The following MSRB3 variants were observed in gnomAD, a reference collection of about 807,000 sequenced individuals.
MSRB3 encodes the protein methionine sulfoxide reductase B3, also known as methionine-R-sulfoxide reductase B3.
MSRB3 carries 13 observed loss-of-function variants against 21.0 expected under a neutral mutation model. That is an observed-to-expected ratio of 0.62 (90% CI 0.40 to 0.98). MSRB3 has a LOEUF of 0.98. Among genes scored for constraint, MSRB3 ranks in the 50% least tolerant of loss-of-function variants. The pLI, the probability that MSRB3 is intolerant of heterozygous loss-of-function variation, is 0.00. For synonymous variants in MSRB3, 87 were observed against 88.6 expected, an observed-to-expected ratio of 0.98 and a Z score of 0.10; for missense variants, 199 against 230.3, an observed-to-expected ratio of 0.86 and a Z score of 0.88.
intron 4 of MSRB3, among the ~76,000 whole-genome samples, chr12:65,329,741 A>G (rs966028715): frequency 2.6e-5 from 4 of 152,210 alleles, no homozygotes; most frequent in African/African-American, 9.6e-5. Flanking sequence ...ACTTGTAGCT[A>G]AAACACACTT....
At chr12:65,409,600 C>T (rs1055815254) in intron 5 of MSRB3, among the ~76,000 whole-genome samples, 1 of 152,100 alleles carries the variant, frequency 6.6e-6, no homozygotes, top group Non-Finnish European at 1.5e-5. Context: ...ACCTTTTCCT[C>T]TCTTTTGCCT....
chr12:65,438,681 A>G (rs1882233039), intron 5 of MSRB3, among the ~76,000 whole-genome samples: 1 of 151,850 alleles, frequency 6.6e-6, no homozygotes, highest in South Asian at 2.1e-4. Flanking sequence ...AGAGTTTTCC[A>G]AAGGCTTTAT....
intron 5 of MSRB3, among the ~76,000 whole-genome samples, chr12:65,435,086 C>G (rs572869513): frequency 4.0e-5 from 6 of 151,802 alleles, no homozygotes; most frequent in African/African-American, 1.4e-4. Context: ...ATAGGAGTAC[C>G]ACATATGTGC....
chr12:65,331,935 A>G (rs1234168816), intron 4 of MSRB3, among the ~76,000 whole-genome samples: 3 of 152,246 alleles, frequency 2.0e-5, no homozygotes, highest in Non-Finnish European at 4.4e-5. Context: ...TGCTGCAAGC[A>G]CTAGAGGAGC....
intron 5 of MSRB3, among the ~76,000 whole-genome samples, chr12:65,448,725 A>C (rs1205584861): frequency 1.3e-5 from 2 of 152,224 alleles, no homozygotes; most frequent in Non-Finnish European, 2.9e-5. Context: ...CAATAACATG[A>C]CTGATAACTA....
chr12:65,335,396 G>A (rs1299529001), intron 4 of MSRB3, among the ~76,000 whole-genome samples: 1 of 152,146 alleles, frequency 6.6e-6, no homozygotes, highest in Non-Finnish European at 1.5e-5. Context: ...GTTCACACAT[G>A]CTACATTTCA....
intron 5 of MSRB3, among the ~76,000 whole-genome samples, chr12:65,423,380 A>T (rs1395535631): frequency 6.6e-6 from 1 of 152,200 alleles, no homozygotes; most frequent in Non-Finnish European, 1.5e-5. Context: ...TGGGACTTTT[A>T]GTACAATATT....
chr12:65,387,954 A>G (rs959406603), intron 5 of MSRB3, among the ~76,000 whole-genome samples: 2 of 152,194 alleles, frequency 1.3e-5, no homozygotes, highest in Non-Finnish European at 2.9e-5. Flanking sequence ...TTCACAACAA[A>G]GAGTATAAAA....
intron 4 of MSRB3, among the ~76,000 whole-genome samples, chr12:65,340,056 C>T (rs112241441): frequency 0.019 from 2,855 of 152,278 alleles, 37 homozygotes; most frequent in Middle Eastern, 0.058. Flanking sequence ...CAGGTTTATA[C>T]ACAGCCCAGA....
chr12:65,463,168 T>C lies in MSRB3; in HGVS notation c.404T>C (p.Leu135Pro). The change falls in exon 7 of 7, where the codon CTT (leucine) becomes CCT (proline). Residue 135 changes from leucine to proline, a missense_variant. Transcript: ENST00000308259. Reference protein sequence around the residue: ...ETSCSQCGAHLGHIFDDGPRP... With the variant: ...ETSCSQCGAHPGHIFDDGPRP... ...CTTCTCTTTCAGTGTGGTGCTCACC[T>C]TGGGCACATTTTTGATGATGGGCCT... 6.2e-7 allele frequency: 1 copy of C among 1,614,176 alleles called. No homozygotes were observed. The highest frequency in any genetic ancestry group is 8.5e-7 in the Non-Finnish European group (1 of 1,180,028).
intron 2 of MSRB3, among the ~76,000 whole-genome samples, chr12:65,317,856 T>C (rs1874400397): frequency 1.3e-5 from 2 of 152,200 alleles, no homozygotes; most frequent in African/African-American, 4.8e-5. Context: ...AGAAAACATC[T>C]TTTAGAAAGA....
At chr12:65,301,696 T>C (rs995518282) in intron 1 of MSRB3, among the ~76,000 whole-genome samples, 5 of 152,224 alleles carry the variant, frequency 3.3e-5, no homozygotes, top group Admixed American at 3.3e-4. Flanking sequence ...TTCGTTGATA[T>C]GGTTTCAGAC....
rs981764887 is a variant in MSRB3, at chr12:65,353,716, C to T, written c.264-15282C>T. Among the ~76,000 whole-genome samples the T allele has an allele frequency of 6.6e-5, 10 of 152,140 alleles. No homozygotes were observed. The South Asian group carries it at 8.3e-4, about 13-fold the overall frequency. ...TGTGTCTTTTCATTGGAGCATTTAG[C>T]CCATTTACATTTAAAGTTAATGTTA... On this transcript the variant is annotated intron_variant, in intron 4 of 6. Coordinates refer to ENST00000308259, the MANE Select transcript of MSRB3 (RefSeq NM_001031679.3).
intron 4 of MSRB3, among the ~76,000 whole-genome samples, chr12:65,355,259 G>C (rs1490262076): frequency 6.6e-6 from 1 of 151,778 alleles, no homozygotes; most frequent in Non-Finnish European, 1.5e-5. Context: ...TTGTGTATTA[G>C]TGTCAAGTAT....
chr12:65,278,933 G>A lies in MSRB3; in HGVS notation c.-52+68G>A. The A allele has an allele frequency of 2.6e-6, 4 of 1,538,506 alleles. No homozygotes were observed. The South Asian group carries it at 4.8e-5, about 19-fold the overall frequency. On this transcript the variant is annotated intron_variant, in intron 1 of 6. Coordinates refer to ENST00000308259, the MANE Select transcript of MSRB3 (RefSeq NM_001031679.3). ...TCCCACCCCGACCCTGCCACGTTAG[G>A]GTGTGACCCCGAGCCGGGATTCCAT...
At chr12:65,429,404 T>C (rs951418237) in intron 5 of MSRB3, among the ~76,000 whole-genome samples, 1 of 152,144 alleles carries the variant, frequency 6.6e-6, no homozygotes, top group African/African-American at 2.4e-5. Context: ...GTATTTGATA[T>C]GTTACGGCAA....
intron 6 of MSRB3, among the ~76,000 whole-genome samples, chr12:65,456,406 C>T (rs1404887085): frequency 6.6e-6 from 1 of 152,138 alleles, no homozygotes; most frequent in Non-Finnish European, 1.5e-5. Flanking sequence ...TTCTCTGTGC[C>T]AGTCACATAG....
At chr12:65,304,896 AT>A (rs1873556854) in intron 1 of MSRB3, among the ~76,000 whole-genome samples, 2 of 152,196 alleles carry the variant, frequency 1.3e-5, no homozygotes, top group African/African-American at 2.4e-5. Flanking sequence ...GTTTTGGTAG[AT>A]TAACATAGAG....
intron 4 of MSRB3, among the ~76,000 whole-genome samples, chr12:65,349,845 C>T (rs1439989233): frequency 6.6e-6 from 1 of 151,762 alleles, no homozygotes; most frequent in African/African-American, 2.4e-5. Flanking sequence ...AAAATTTTCT[C>T]CCGTTTTGTA....
Sources: gnomAD v4.1 joint callset for allele counts (sites outside exome capture counted in the v4.1 genomes callset) on GRCh38, gnomAD v4.1.1 for gene constraint, MANE v1.5 for transcripts, NCBI Gene and HGNC (gene_info 2026-07-23, HGNC 2026-07-21) for gene names.